STEEP1: variants seen among roughly 807,000 people sequenced by gnomAD.
STEEP1 encodes STING1 ER exit protein 1, also known as STING ER exit protein.
A neutral mutation model predicts 19.2 loss-of-function variants in STEEP1; 3 were observed. The ratio of observed to expected loss-of-function variants is 0.16; its 90% CI spans 0.07 to 0.40. STEEP1 has a LOEUF of 0.40. STEEP1 is among the 10% of genes least tolerant of loss of function. The pLI is 0.99. For synonymous variants in STEEP1, 46 were observed against 63.7 expected, an observed-to-expected ratio of 0.72 and a Z score of 1.32; for missense variants, 54 against 177.1, an observed-to-expected ratio of 0.30 and a Z score of 3.94.
intron 1 of STEEP1, among the ~76,000 whole-genome samples, chrX:119,564,204 G>GA (rs1456070485): frequency 9.0e-6 from 1 of 111,477 alleles, no homozygotes; most frequent in African/African-American, 3.3e-5. Flanking sequence ...CAGACAAGGG[G>GA]AAAAATCTAA....
At chrX:119,563,275 G>A (rs1209570204) in intron 1 of STEEP1, among the ~76,000 whole-genome samples, 14 of 106,997 alleles carry the variant, frequency 1.3e-4, no homozygotes, top group Admixed American at 6.2e-4. Context: ...TAGGCCGGCC[G>A]TGGTGGCTCA....
At chrX:119,553,164 AAAGTGG>A (rs2053255375) in intron 2 of STEEP1, among the ~76,000 whole-genome samples, 1 of 107,854 alleles carries the variant, frequency 9.3e-6, no homozygotes. Flanking sequence ...AAAAAAAAAA[AAAGTGG>A]AAAACAGAAA....
chrX:119,547,244 G>A (rs1024856679), intron 2 of STEEP1, among the ~76,000 whole-genome samples: 3 of 111,861 alleles, frequency 2.7e-5, no homozygotes, highest in East Asian at 2.8e-4. Context: ...TACAAGGACC[G>A]CATTGTATTC....
At chrX:119,557,718 TTACAA>T (rs1202673935) in intron 2 of STEEP1, among the ~76,000 whole-genome samples, 3 of 109,714 alleles carry the variant, frequency 2.7e-5, no homozygotes, top group Admixed American at 2.0e-4. Context: ...AGTGATGCAT[TTACAA>T]TACAAGCCAA....
rs143136202 is a variant in STEEP1 at position 119,556,029 on chromosome X, G to A, written c.242+4239C>T. Reference sequence around the variant, plus strand: ...TTCTGAGCACTGGTTGAGACCCAAGGATAGCAGGGCAAAGGCTCTGCAATT... The same window carrying A: ...TTCTGAGCACTGGTTGAGACCCAAGAATAGCAGGGCAAAGGCTCTGCAATT... On this transcript the variant is annotated intron_variant, in intron 2 of 6. Transcript: ENST00000644802. Among the ~76,000 whole-genome samples, 964 of 111,890 alleles carry A rather than the reference G, an allele frequency of 8.6e-3. 2 individuals are homozygous for A. Among genetic ancestry groups the A allele is most frequent in the Middle Eastern group, 0.028 (6 of 215 alleles).
rs781624177 is a variant in STEEP1 at position 119,542,631 on chromosome X, C to T, written c.424-37G>A. ...GGCAAGAAGAAGTCAGTCCGGTTCACCAAAACAGGATCCATGAGCCGTGAG... is the reference window on the plus strand; with the variant it reads ...GGCAAGAAGAAGTCAGTCCGGTTCATCAAAACAGGATCCATGAGCCGTGAG... On this transcript the variant is annotated intron_variant, in intron 4 of 6. Transcript: ENST00000644802. 4.9e-6 allele frequency: 5 copies of T among 1,026,618 alleles called. No homozygotes were observed. The South Asian group carries it at 9.5e-5, about 20-fold the overall frequency. 84.6% of individuals were successfully genotyped at this position (1,026,618 alleles called of 1,213,427 possible). A position where few individuals can be genotyped will look rare whatever the true frequency, so the allele number is the denominator to read the frequency against.
chrX:119,553,458 T>C (rs773314258), intron 2 of STEEP1, among the ~76,000 whole-genome samples: 2 of 111,700 alleles, frequency 1.8e-5, no homozygotes, highest in African/African-American at 3.2e-5. Flanking sequence ...ATTTTCCCAA[T>C]TGAAGGATAA....
At chrX:119,559,120 A>G (rs1243446712) in intron 2 of STEEP1, among the ~76,000 whole-genome samples, 1 of 109,899 alleles carries the variant, frequency 9.1e-6, no homozygotes, top group Non-Finnish European at 1.9e-5. Flanking sequence ...CAGGACGCTG[A>G]GGCAGGAGAA....
At chrX:119,558,926 A>G (rs1176937521) in intron 2 of STEEP1, among the ~76,000 whole-genome samples, 3 of 111,021 alleles carry the variant, frequency 2.7e-5, no homozygotes, top group Non-Finnish European at 5.7e-5. Flanking sequence ...TGCTTAAAAA[A>G]CAGAGATAGG....
chrX:119,554,141 A>AAAAAC (rs995240037), intron 2 of STEEP1, among the ~76,000 whole-genome samples: 2 of 112,340 alleles, frequency 1.8e-5, no homozygotes, highest in Admixed American at 1.9e-4. Context: ...CTCTGTGACC[A>AAAAAC]AAAACAAAAC....
chrX:119,562,004 C>T (rs757415503), intron 1 of STEEP1, among the ~76,000 whole-genome samples: 7 of 112,938 alleles, frequency 6.2e-5, no homozygotes, highest in African/African-American at 2.2e-4. Context: ...CACCTCCTTA[C>T]CAAGAATTAA....
intron 6 of STEEP1, among the ~76,000 whole-genome samples, chrX:119,540,820 C>T (rs1477726794): frequency 9.0e-6 from 1 of 111,723 alleles, no homozygotes. Context: ...CCGAGGCGGG[C>T]AGATCACCTG....
rs191881076 is a variant in STEEP1 at position 119,559,998 on chromosome X, G to A, written c.242+270C>T. Among the ~76,000 whole-genome samples, 20 of 111,655 alleles carry A rather than the reference G, an allele frequency of 1.8e-4. No individual in the cohort carries two copies. The South Asian group carries it at 4.5e-3, about 25-fold the overall frequency. On this transcript the variant is annotated intron_variant, in intron 2 of 6. Transcript: ENST00000644802. ...TGGGAGGTGGAGGTTGCGGTAAGCC[G>A]AGGTCACACCACTGCACTCCAGCCT... is the stretch of plus-strand genomic sequence containing the variant.
At chrX:119,546,862 C>T (rs747234073) in intron 2 of STEEP1, among the ~76,000 whole-genome samples, 1 of 111,980 alleles carries the variant, frequency 8.9e-6, no homozygotes, top group Non-Finnish European at 1.9e-5. Context: ...CCATTATCAA[C>T]TCCCTGGACG....
At chrX:119,552,531 G>A (rs2053250320) in intron 2 of STEEP1, among the ~76,000 whole-genome samples, 2 of 112,563 alleles carry the variant, frequency 1.8e-5, no homozygotes, top group African/African-American at 6.4e-5. Flanking sequence ...GGGGCGTGGA[G>A]CTTCCATGCC....
At chrX:119,550,699 C>T (rs2053236373) in intron 2 of STEEP1, among the ~76,000 whole-genome samples, 1 of 111,978 alleles carries the variant, frequency 8.9e-6, no homozygotes, top group Admixed American at 9.5e-5. Context: ...GGCTGTGTCA[C>T]CCAGTCTGGA....
chrX:119,562,533 C>CA lies in STEEP1; in HGVS notation c.125-2149dup, dbSNP rs143743500. ...GGGCAACAAGAGCGAAACTCCGTCT[C>CA]AAAAAAAAAAAAAAAAATTAGCCAG... is the stretch of plus-strand genomic sequence containing the variant. On this transcript the variant is annotated intron_variant, in intron 1 of 6. Coordinates refer to ENST00000644802, the MANE Select transcript of STEEP1 (RefSeq NM_022101.4). Among the ~76,000 whole-genome samples the CA allele has an allele frequency of 2.6e-3, 188 of 71,443 alleles. 1 individual carries two copies. Among genetic ancestry groups the CA allele is most frequent in the Middle Eastern group, 8.1e-3 (1 of 124 alleles). The allele number at this position is 71,443 out of a possible 115,157, so 62.0% of individuals were successfully genotyped here. A position where few individuals can be genotyped will look rare whatever the true frequency, so the allele number is the denominator to read the frequency against.
At chrX:119,541,454 G>T (rs1256778365) in intron 5 of STEEP1, 34 bp from the exon 6 acceptor site, 1 of 835,423 alleles carries the variant, frequency 1.2e-6, no homozygotes, top group Admixed American at 2.2e-5. Flanking sequence ...TAAACCGGAA[G>T]TCTCACCAAG....
chrX:119,539,904 TC>T, intron 6 of STEEP1, 115 bp from the exon 7 acceptor site: 1 of 511,348 alleles, frequency 2.0e-6, no homozygotes. Flanking sequence ...CAAACTAGAA[TC>T]ATGGTTCCCA....
Sources: gnomAD v4.1 joint callset for allele counts (sites outside exome capture counted in the v4.1 genomes callset) on GRCh38, gnomAD v4.1.1 for gene constraint, MANE v1.5 for transcripts, NCBI Gene and HGNC (gene_info 2026-07-23, HGNC 2026-07-21) for gene names.